Variants in CLDN14 observed in about 807,000 individuals in gnomAD.
CLDN14 encodes claudin 14.
Under a neutral mutation model 2.1 loss-of-function variants are expected in CLDN14, and 2 were observed. The observed-to-expected ratio is 0.96, with a 90% confidence interval of 0.39 to 3.01. The LOEUF is 3.01. CLDN14 is among the 30% of genes most tolerant of loss of function. The pLI, the probability that CLDN14 is intolerant of heterozygous loss-of-function variation, is 0.09. For missense variants in CLDN14, 298 were observed against 328.0 expected, an observed-to-expected ratio of 0.91 and a Z score of 0.71; for synonymous variants, 136 against 154.4, an observed-to-expected ratio of 0.88 and a Z score of 0.88.
intron 1 of CLDN14, among the ~76,000 whole-genome samples, chr21:36,553,046 T>C (rs574477727): frequency 1.3e-5 from 2 of 152,324 alleles, no homozygotes; most frequent in South Asian, 2.1e-4. Flanking sequence ...ACCAAATCCC[T>C]TGGCCTTGGG....
At chr21:36,490,988 A>ACACACC (rs1491519289) in intron 2 of CLDN14, among the ~76,000 whole-genome samples, 1 of 132,650 alleles carries the variant, frequency 7.5e-6, no homozygotes, top group African/African-American at 2.7e-5. Context: ...ACACACACAC[A>ACACACC]CCCCTGGACA....
In CLDN14 at chr21:36,503,460, G is replaced by A. The variant is rs139380671; in HGVS notation, c.-82+6903C>T. Among the ~76,000 whole-genome samples the A allele has an allele frequency of 1.6e-4, 25 of 152,318 alleles. No homozygotes were observed. The East Asian group carries it at 3.1e-3, about 19-fold the overall frequency. On this transcript the variant is annotated intron_variant, in intron 2 of 2. Coordinates refer to the CLDN14 transcript ENST00000342108. ...AATCATGGGGCCAGATCTTTCTCAC[G>A]TTGTTCTCGTGACAGAGATCTGATG...
intron 1 of CLDN14, among the ~76,000 whole-genome samples, chr21:36,521,185 C>G (rs2087266833): frequency 6.6e-6 from 1 of 152,194 alleles, no homozygotes; most frequent in African/African-American, 2.4e-5. Context: ...CCGTAAAGAT[C>G]AGCCTCTTCC....
At chr21:36,524,196 G>T (rs2087304308) in intron 1 of CLDN14, among the ~76,000 whole-genome samples, 1 of 151,796 alleles carries the variant, frequency 6.6e-6, no homozygotes, top group African/African-American at 2.4e-5. Context: ...ACAACTCACT[G>T]CAGAGCCTTG....
chr21:36,548,571 A>T (rs2087540455), intron 1 of CLDN14, among the ~76,000 whole-genome samples: 1 of 152,210 alleles, frequency 6.6e-6, no homozygotes, highest in South Asian at 2.1e-4. Flanking sequence ...GGAAGCTTCC[A>T]CGGCTTCTCC....
intron 1 of CLDN14, among the ~76,000 whole-genome samples, chr21:36,571,142 C>T (rs1369922390): frequency 6.6e-6 from 1 of 152,206 alleles, no homozygotes; most frequent in Non-Finnish European, 1.5e-5. Context: ...GCCCAGCCTG[C>T]ATCTCCTTTT....
exon 1 of CLDN14, chr21:36,576,465 G>A (rs966541437): frequency 3.3e-5 from 5 of 152,284 alleles, no homozygotes; most frequent in Admixed American, 2.6e-4. Context: ...TTCTTCCGGA[G>A]CTCCTCTTGA....
chr21:36,521,883 T>C (rs138774546), intron 1 of CLDN14, among the ~76,000 whole-genome samples: 192 of 152,290 alleles, frequency 1.3e-3, no homozygotes, highest in African/African-American at 4.5e-3. Context: ...ATCGTCACGA[T>C]TCCCCAAATG....
In CLDN14 at chr21:36,568,430, C is replaced by A. The variant is rs78326587; in HGVS notation, c.-220+7981G>T. On this transcript the variant is annotated intron_variant, in intron 1 of 2. Coordinates refer to the CLDN14 transcript ENST00000342108. ...AGCTAGGAAAAAAATGCCACCAGTG[C>A]GGCATCTTCTATGGGCAGTCTTTGC... 3.3e-5 allele frequency among the ~76,000 whole-genome samples: 5 copies of A among 152,330 alleles called. No individual in the cohort carries two copies. In the East Asian group the frequency reaches 9.6e-4, roughly 29 times the overall value.
chr21:36,508,484 C>T (rs1441627185), intron 2 of CLDN14, among the ~76,000 whole-genome samples: 3 of 152,086 alleles, frequency 2.0e-5, no homozygotes, highest in African/African-American at 4.8e-5. Flanking sequence ...GGTAGGAAGC[C>T]GGAATTAAGC....
chr21:36,511,932 G>A (rs1403255379), intron 1 of CLDN14, among the ~76,000 whole-genome samples: 1 of 152,182 alleles, frequency 6.6e-6, no homozygotes, highest in Admixed American at 6.5e-5. Context: ...AGCTGTGACT[G>A]CCTCAAGACA....
At chr21:36,519,958 C>T (rs992400588) in intron 1 of CLDN14, among the ~76,000 whole-genome samples, 13 of 152,056 alleles carry the variant, frequency 8.5e-5, no homozygotes, top group Non-Finnish European at 1.6e-4. Context: ...TTTCTAGGGC[C>T]CTGCAACAAA....
chr21:36,575,814 T>G (rs2087737728), intron 1 of CLDN14, among the ~76,000 whole-genome samples: 1 of 152,212 alleles, frequency 6.6e-6, no homozygotes, highest in Non-Finnish European at 1.5e-5. Flanking sequence ...TTCTTGCTTT[T>G]GGGGCATAAA....
chr21:36,518,879 T>A (rs1014725291), intron 1 of CLDN14, among the ~76,000 whole-genome samples: 13 of 152,204 alleles, frequency 8.5e-5, no homozygotes, highest in African/African-American at 3.1e-4. Context: ...TGGGAGTCCT[T>A]CTCACAGGAG....
chr21:36,477,345 G>A (rs779061727), intron 1 of CLDN14: 5 of 152,182 alleles, frequency 3.3e-5, no homozygotes, highest in South Asian at 2.1e-4. Flanking sequence ...CTGTAGAATC[G>A]AAAATATGGT....
At chr21:36,527,235 A>G (rs887093626) in intron 1 of CLDN14, among the ~76,000 whole-genome samples, 28 of 152,168 alleles carry the variant, frequency 1.8e-4, no homozygotes, top group Non-Finnish European at 3.8e-4. Flanking sequence ...AAAATTGCCA[A>G]CTTCTCACCA....
intron 1 of CLDN14, among the ~76,000 whole-genome samples, chr21:36,555,348 G>A (rs981096470): frequency 4.6e-5 from 7 of 152,250 alleles, no homozygotes; most frequent in African/African-American, 7.2e-5. Flanking sequence ...TACTCAGCAC[G>A]GGAATTGTCC....
intron 1 of CLDN14, among the ~76,000 whole-genome samples, chr21:36,555,846 TGTGTGA>T (rs1374169123): frequency 4.1e-3 from 268 of 65,582 alleles, no homozygotes; most frequent in Middle Eastern, 8.1e-3. Context: ...TGTGTGTGTG[TGTGTGA>T]GAGAGAGAGA....
chr21:36,524,487 C>A (rs2087307936), intron 1 of CLDN14, among the ~76,000 whole-genome samples: 1 of 152,168 alleles, frequency 6.6e-6, no homozygotes, highest in East Asian at 1.9e-4. Context: ...GAGACAGATA[C>A]CGACCGTATG....
Sources: allele counts gnomAD v4.1 joint callset (sites outside exome capture counted in the v4.1 genomes callset), GRCh38; gene constraint gnomAD v4.1.1; transcripts MANE v1.5; gene names NCBI Gene and HGNC (gene_info 2026-07-23, HGNC 2026-07-21).